NBEAL2: variants seen among roughly 807,000 people sequenced by gnomAD.
NBEAL2 encodes the protein neurobeachin like 2.
Under a neutral mutation model 299.8 loss-of-function variants are expected in NBEAL2, and 160 were observed. The ratio of observed to expected loss-of-function variants is 0.53; its 90% CI spans 0.47 to 0.61. The LOEUF is 0.61. Ranked by LOEUF, NBEAL2 falls within the 20% of genes least tolerant of loss-of-function variation. The pLI is 0.00. For missense variants in NBEAL2, 3,112 were observed against 3,649.0 expected (o/e 0.85, Z 3.79); for synonymous variants, 1,493 against 1,542.3 (o/e 0.97, Z 0.75).
rs374152907 is a variant in NBEAL2, at chr3:47,001,260, T to A, written c.4485-19T>A. The A allele has an allele frequency of 5.1e-5, 82 of 1,601,768 alleles. No homozygotes were observed. Among genetic ancestry groups the A allele is most frequent in the Non-Finnish European group, 5.6e-5 (65 of 1,171,088 alleles). ...GAAGATAGTCAGGTAGACCCTTGAG[T>A]TCCCCACTCACCCGCCAGCCTCCTG... On this transcript the variant is annotated intron_variant, in intron 28 of 53. Transcript: ENST00000450053. This position sits in a 1 kb window ranked among gnomAD's most constrained non-coding sequence, Gnocchi z 6.1.
In NBEAL2 at chr3:46,988,180, GGGATCCACAGTTAAAGAA is replaced by G. The variant is rs2035813698; in HGVS notation, c.52-486_52-469del. ...CTGTCTAATGGTACACGTGTGTCCTGGGATCCACAGTTAAAGAAGGCTACTGAAGGTGGTGGCTGCTGG... is the reference window on the plus strand; with the variant it reads ...CTGTCTAATGGTACACGTGTGTCCTGGGCTACTGAAGGTGGTGGCTGCTGG... On this transcript the variant is annotated intron_variant, in intron 1 of 53. Transcript: ENST00000450053. The surrounding 1 kb of genome is among the most constrained non-coding windows in gnomAD (Gnocchi z 4.4). The G allele has an allele frequency of 1.2e-6, 1 of 826,590 alleles. No individual in the cohort carries two copies. Among genetic ancestry groups the G allele is most frequent in the Non-Finnish European group, 1.6e-6 (1 of 624,342 alleles). 51.2% of individuals were successfully genotyped at this position (826,590 alleles called of 1,614,324 possible). A position where few individuals can be genotyped will look rare whatever the true frequency, so the allele number is the denominator to read the frequency against.
chr3:46,991,497 G>A lies in NBEAL2; in HGVS notation c.734G>A (p.Cys245Tyr). 6.2e-7 allele frequency: 1 copy of A among 1,612,232 alleles called. No homozygotes were observed. The highest frequency in any genetic ancestry group is 8.5e-7 in the Non-Finnish European group (1 of 1,179,882). Reference sequence around the variant, plus strand: ...AGCCGTGGGCCAGCCCCGGACCCGTGCCTAGTGCCACTGGCTCTAGAGGCA... The same window carrying A: ...AGCCGTGGGCCAGCCCCGGACCCGTACCTAGTGCCACTGGCTCTAGAGGCA... Reference protein sequence around the residue: ...GWSRGPAPDPCLVPLALEALV... With the variant: ...GWSRGPAPDPYLVPLALEALV... Residue 245 changes from cysteine to tyrosine, a missense_variant, in exon 8 of 54, where the codon TGC becomes TAC. Physicochemically the swap from Cys to Tyr is radical, Grantham distance 194. Transcript: ENST00000450053. The surrounding 1 kb of genome is among the most constrained non-coding windows in gnomAD (Gnocchi z 6.2).
In NBEAL2 at chr3:46,995,695, CT is replaced by C; in HGVS notation, c.1899-18del. The C allele has an allele frequency of 6.2e-7, 1 of 1,612,420 alleles. No individual in the cohort carries two copies. Among genetic ancestry groups the C allele is most frequent in the Non-Finnish European group, 8.5e-7 (1 of 1,179,042 alleles). ...GGTGAGCAGGAACAAGCAGACATAA[CT>C]GGCTTGCCTGCCCCCAGCTTCTTTA... On this transcript the variant is annotated intron_variant, in intron 13 of 53. Transcript: ENST00000450053.
intron 1 of NBEAL2, among the ~76,000 whole-genome samples, chr3:46,984,636 T>C (rs1420135616): frequency 1.3e-5 from 2 of 152,320 alleles, no homozygotes; most frequent in Admixed American, 6.5e-5. Flanking sequence ...GGATAGGCTA[T>C]TCCACATAAA....
intron 1 of NBEAL2, among the ~76,000 whole-genome samples, chr3:46,984,029 G>A (rs1239382144): frequency 5.3e-5 from 8 of 151,932 alleles, no homozygotes; most frequent in Admixed American, 3.9e-4. Context: ...GTCCAGGCGC[G>A]GTGTTTCACG....
At chr3:46,987,742 C>A (rs920502413) in intron 1 of NBEAL2, among the ~76,000 whole-genome samples, 2 of 152,102 alleles carry the variant, frequency 1.3e-5, no homozygotes, top group African/African-American at 4.8e-5. Context: ...CTCTTCCAGG[C>A]GCCAACCTCA....
chr3:46,988,243 TGAG>T lies in NBEAL2; in HGVS notation c.52-423_52-421del, dbSNP rs2035818881. On this transcript the variant is annotated intron_variant, in intron 1 of 53. Coordinates refer to ENST00000450053, the MANE Select transcript of NBEAL2 (RefSeq NM_015175.3). The surrounding 1 kb of genome is among the most constrained non-coding windows in gnomAD (Gnocchi z 4.4). ...TGCTGGGCTGGGTGAAGATGGCAGA[TGAG>T]GACCCAGCCCAAGGCTCTTGGTAGG... 6.6e-6 allele frequency among the ~76,000 whole-genome samples: 1 copy of T among 152,218 alleles called. No homozygotes were observed. The highest frequency in any genetic ancestry group is 6.5e-5 in the Admixed American group (1 of 15,290).
At position 47,000,476 on chromosome 3, in the gene NBEAL2, T is replaced by G. The variant is rs1044236666; in HGVS notation, c.4305+72T>G. The stretch of plus-strand genomic sequence containing the variant: ...CACTTCTGGTACACAGGGCTGGCAG[T>G]GTAGCCTCTCCAAAGGTGTGGCCCT... On this transcript the variant is annotated intron_variant, in intron 27 of 53. Transcript: ENST00000450053. The surrounding 1 kb of genome is among the most constrained non-coding windows in gnomAD (Gnocchi z 4.5). 3 of 1,517,046 alleles carry G rather than the reference T, an allele frequency of 2.0e-6. No individual in the cohort carries two copies. The highest frequency in any genetic ancestry group is 2.7e-6 in the Non-Finnish European group (3 of 1,131,116). 94.0% of individuals were successfully genotyped at this position (1,517,046 alleles called of 1,614,324 possible). A position where few individuals can be genotyped will look rare whatever the true frequency, so the allele number is the denominator to read the frequency against.
In NBEAL2 at chr3:47,009,172, T is replaced by TGGCGC. The variant is rs771863882; in HGVS notation, c.8164-42_8164-38dup. 3.2e-6 allele frequency: 5 copies of TGGCGC among 1,553,098 alleles called. No homozygotes were observed. In the African/African-American group the frequency reaches 4.1e-5, roughly 13 times the overall value. On this transcript the variant is annotated intron_variant, in intron 53 of 53. Transcript: ENST00000450053. ...GAGGCCCCTCGAACGGGGCGGGGCG[T>TGGCGC]GGCGCGGCGATCCCAGCTGATCCTA... is the stretch of plus-strand genomic sequence containing the variant.
chr3:46,991,095 G>A lies in NBEAL2; in HGVS notation c.557-124G>A. The A allele has an allele frequency of 1.2e-6, 1 of 800,458 alleles. No homozygotes were observed. Among genetic ancestry groups the A allele is most frequent in the South Asian group, 1.6e-5 (1 of 62,514 alleles). 49.6% of individuals were successfully genotyped at this position (800,458 alleles called of 1,614,324 possible). ...AGAGCCAGCTCTTATCCCTCACACTGGATCTTTTACTTGGCCCAGCTCCCT... is the reference window on the plus strand; with the variant it reads ...AGAGCCAGCTCTTATCCCTCACACTAGATCTTTTACTTGGCCCAGCTCCCT... On this transcript the variant is annotated intron_variant, in intron 6 of 53. Transcript: ENST00000450053. The surrounding 1 kb of genome is among the most constrained non-coding windows in gnomAD (Gnocchi z 6.2).
rs115350407 is a variant in NBEAL2, at chr3:47,000,284, G to T, written c.4185G>T (p.Pro1395=). 3 of 1,612,708 alleles carry T rather than the reference G, an allele frequency of 1.9e-6. No homozygotes were observed. In the South Asian group the frequency reaches 3.3e-5, roughly 18 times the overall value. Residue 1395 remains proline, a synonymous_variant, in exon 27 of 54, where the codon CCG becomes CCT. Transcript: ENST00000450053. This position sits in a 1 kb window ranked among gnomAD's most constrained non-coding sequence, Gnocchi z 4.5. ...QPGTPSPLDG[P]RPFPAAPGRH... ...GCACTCCTTCGCCACTGGATGGGCC[G>T]CGGCCCTTTCCTGCTGCTCCTGGCC... is the stretch of plus-strand genomic sequence containing the variant.
In NBEAL2 at chr3:46,989,384, G is replaced by T; in HGVS notation, c.473+3G>T. ...ACCTGGCGGCGCCAGCGCAGTGGGT[G>T]AGACCCAGCCCACAGGAAGGGAACC... is the stretch of plus-strand genomic sequence containing the variant. On this transcript the variant is annotated splice_donor_region_variant and intron_variant, in intron 5 of 53. Transcript: ENST00000450053. This position sits in a 1 kb window ranked among gnomAD's most constrained non-coding sequence, Gnocchi z 5.5. 6.3e-7 allele frequency: 1 copy of T among 1,575,284 alleles called. No individual in the cohort carries two copies. The highest frequency in any genetic ancestry group is 2.3e-5 in the East Asian group (1 of 42,724).
intron 1 of NBEAL2, among the ~76,000 whole-genome samples, chr3:46,981,561 C>G (rs1276878567): frequency 6.6e-6 from 1 of 152,184 alleles, no homozygotes; most frequent in African/African-American, 2.4e-5. Context: ...TTTCCTGGCC[C>G]CATTGGGTCC....
At chr3:46,992,378 T>G in intron 9 of NBEAL2, 97 bp from the exon 10 acceptor site, 1 of 1,181,398 alleles carries the variant, frequency 8.5e-7, no homozygotes, top group Non-Finnish European at 1.2e-6. Context: ...GCAGGGCACC[T>G]GGCAGCTGCC....
intron 1 of NBEAL2, among the ~76,000 whole-genome samples, chr3:46,986,027 C>T (rs1038320598): frequency 2.0e-4 from 30 of 152,176 alleles, no homozygotes; most frequent in African/African-American, 7.0e-4. Flanking sequence ...GCCATGGGGC[C>T]TAGGTCAGAG....
chr3:47,001,702 T>C lies in NBEAL2; in HGVS notation c.4658T>C (p.Val1553Ala), dbSNP rs2037006596. Residue 1553 changes from valine (V) to alanine (A), a missense_variant, in exon 30 of 54, where the codon GTA (valine) becomes GCA (alanine). Val to Ala is a moderately conservative substitution (Grantham distance 64). Transcript: ENST00000450053. This position sits in a 1 kb window ranked among gnomAD's most constrained non-coding sequence, Gnocchi z 6.1. ...TTTCTGTGGCAGCTCTTTGAAGGTG[T>C]ATGCAGCCTACTTGATCGCCTGGGA... ...ELWSEKLFEGVCSLLDRLGAW... is the reference protein window; with the variant it reads ...ELWSEKLFEGACSLLDRLGAW... 2.5e-6 allele frequency: 4 copies of C among 1,613,550 alleles called. No individual in the cohort carries two copies. In the African/African-American group the frequency reaches 4.0e-5, roughly 16 times the overall value.
In NBEAL2 at chr3:46,994,527, C is replaced by G; in HGVS notation, c.1270C>G (p.Arg424Gly). ...VLQSHGPPTH[R>G]LLQELLNMAV... is the part of the protein sequence containing the mutation. ...GCAGAGCCATGGTCCCCCCACCCAT[C>G]GGCTGTTGCAAGAGCTGCTCAACAT... is the stretch of plus-strand genomic sequence containing the variant. The change falls in exon 12 of 54, where the codon CGG becomes GGG. Residue 424 changes from arginine to glycine, a missense_variant. Transcript: ENST00000450053. 6.3e-7 allele frequency: 1 copy of G among 1,588,976 alleles called. No homozygotes were observed. Among genetic ancestry groups the G allele is most frequent in the Non-Finnish European group, 8.6e-7 (1 of 1,165,998 alleles).
In NBEAL2 at chr3:46,989,723, C is replaced by T. The variant is rs937894501; in HGVS notation, c.556+130C>T. On this transcript the variant is annotated intron_variant, in intron 6 of 53. Coordinates refer to ENST00000450053, the MANE Select transcript of NBEAL2 (RefSeq NM_015175.3). The surrounding 1 kb of genome is among the most constrained non-coding windows in gnomAD (Gnocchi z 5.5). ...ATGCAGGACTGGGAGAACCAAAGACCAAGCAAGAGTTTAGGGACAGAGACA... is the reference window on the plus strand; with the variant it reads ...ATGCAGGACTGGGAGAACCAAAGACTAAGCAAGAGTTTAGGGACAGAGACA... 1.2e-6 allele frequency: 1 copy of T among 836,268 alleles called. No individual in the cohort carries two copies. The highest frequency in any genetic ancestry group is 2.0e-6 in the Non-Finnish European group (1 of 509,192). The allele number at this position is 836,268 out of a possible 1,614,324, so 51.8% of individuals were successfully genotyped here.
intron 1 of NBEAL2, among the ~76,000 whole-genome samples, chr3:46,984,365 T>A (rs76738553): frequency 6.6e-6 from 1 of 151,224 alleles, no homozygotes. Flanking sequence ...TGGGGCAGGG[T>A]GGGTGTCATG....
Sources: allele counts gnomAD v4.1 joint callset (sites outside exome capture counted in the v4.1 genomes callset), GRCh38; gene constraint gnomAD v4.1.1; non-coding constraint Gnocchi (gnomAD v3.1); transcripts MANE v1.5; gene names NCBI Gene and HGNC (gene_info 2026-07-23, HGNC 2026-07-21).